GLIPR1L2: variants seen among roughly 807,000 people sequenced by gnomAD.
GLIPR1L2 encodes GLIPR1-like protein 2.
A neutral mutation model predicts 28.4 loss-of-function variants in GLIPR1L2; 21 were observed. The observed-to-expected ratio is 0.74, with a 90% CI of 0.52 to 1.06. The LOEUF is 1.06. GLIPR1L2 is among the 50% of genes least tolerant of loss of function. The probability of loss-of-function intolerance (pLI) is 0.00; values close to 1 mark genes in which losing one functional copy is unlikely to be tolerated. For synonymous variants in GLIPR1L2, 145 were observed against 139.3 expected (o/e 1.04, Z -0.29); for missense variants, 476 against 416.9 (o/e 1.14, Z -1.23).
chr12:75,410,335 G>T, intron 1 of GLIPR1L2, 99 bp from the exon 2 acceptor site: 2 of 1,153,076 alleles, frequency 1.7e-6, no homozygotes, highest in East Asian at 5.3e-5. Flanking sequence ...TACAAAGTTA[G>T]AATTGTTTCC....
chr12:75,412,238 C>G (rs2045875358), intron 2 of GLIPR1L2, among the ~76,000 whole-genome samples: 1 of 151,976 alleles, frequency 6.6e-6, no homozygotes, highest in African/African-American at 2.4e-5. Flanking sequence ...CCAATTCAAC[C>G]AGAGGTTGAA....
intron 2 of GLIPR1L2, 35 bp from the exon 3 acceptor site, chr12:75,413,563 T>A: frequency 2.5e-6 from 3 of 1,186,710 alleles, no homozygotes; most frequent in Non-Finnish European, 3.6e-6. Context: ...TGTTTAAAAT[T>A]AAATTTTGTG....
At chr12:75,425,024 A>C (rs2046019555) in intron 4 of GLIPR1L2, among the ~76,000 whole-genome samples, 1 of 152,112 alleles carries the variant, frequency 6.6e-6, no homozygotes, top group Non-Finnish European at 1.5e-5. Flanking sequence ...AAACCTAAGC[A>C]AGGTGAGGAT....
At chr12:75,414,902 T>A (rs1380664060) in intron 3 of GLIPR1L2, among the ~76,000 whole-genome samples, 1 of 152,098 alleles carries the variant, frequency 6.6e-6, no homozygotes, top group South Asian at 2.1e-4. Context: ...GACAAACACT[T>A]TTTAGTAAGT....
In GLIPR1L2 at chr12:75,391,127, C is replaced by T. The variant is rs748704522; in HGVS notation, c.11C>T (p.Ala4Val). Residue 4 changes from alanine (A) to valine (V), a missense_variant, in exon 1 of 6, where the codon GCA (alanine) becomes GTA (valine). Coordinates refer to ENST00000550916, the MANE Select transcript of GLIPR1L2 (RefSeq NM_001270396.2). ...AGCGGCCGGTGGACCATGGAGGCCG[C>T]AAGGCCCTTCGCCCGGGAGTGGAGG... MEA[A>V]RPFAREWRAQ... 9 of 1,613,194 alleles carry T rather than the reference C, an allele frequency of 5.6e-6. No homozygotes were observed. Among genetic ancestry groups the T allele is most frequent in the Non-Finnish European group, 6.8e-6 (8 of 1,179,608 alleles).
At chr12:75,409,245 C>G (rs1026450685) in intron 1 of GLIPR1L2, among the ~76,000 whole-genome samples, 10 of 151,980 alleles carry the variant, frequency 6.6e-5, no homozygotes, top group African/African-American at 2.4e-4. Context: ...CACTCCTGCT[C>G]TAAGGAAGTA....
At chr12:75,427,846 C>T (rs2046049863) in intron 4 of GLIPR1L2, among the ~76,000 whole-genome samples, 1 of 152,174 alleles carries the variant, frequency 6.6e-6, no homozygotes, top group African/African-American at 2.4e-5. Flanking sequence ...CCTTGCTTCC[C>T]CTTCACCCTC....
chr12:75,425,227 T>C (rs2046022096), intron 4 of GLIPR1L2, among the ~76,000 whole-genome samples: 1 of 151,022 alleles, frequency 6.6e-6, no homozygotes, highest in African/African-American at 2.4e-5. Flanking sequence ...GAAGGGAGAG[T>C]CTGAGCCAGT....
In GLIPR1L2 at chr12:75,418,138, C is replaced by T. The variant is rs934166020; in HGVS notation, c.584+4437C>T. 5.3e-5 allele frequency among the ~76,000 whole-genome samples: 8 copies of T among 152,090 alleles called. No individual in the cohort carries two copies. In the South Asian group the frequency reaches 6.2e-4, roughly 12 times the overall value. On this transcript the variant is annotated intron_variant, in intron 3 of 5. Transcript: ENST00000550916. ...ATGTAATGTAATTTATAAATATTTC[C>T]GCTTATTGTGTTATATAGATGAGGG... is the stretch of plus-strand genomic sequence containing the variant.
chr12:75,398,346 A>AAAAAAAG (rs1566063964), intron 1 of GLIPR1L2, among the ~76,000 whole-genome samples: 1 of 151,784 alleles, frequency 6.6e-6, no homozygotes, highest in African/African-American at 2.4e-5. Context: ...AAAAAAAAAA[A>AAAAAAAG]AAAAACTTTT....
intron 1 of GLIPR1L2, among the ~76,000 whole-genome samples, chr12:75,406,973 C>CCCTCAATATCTGATT (rs1325563083): frequency 2.6e-5 from 4 of 151,944 alleles, no homozygotes; most frequent in Non-Finnish European, 5.9e-5. Flanking sequence ...GAGTCTCCCA[C>CCCTCAATATCTGATT]ACTCAATATC....
At chr12:75,412,404 G>C (rs1205565367) in intron 2 of GLIPR1L2, among the ~76,000 whole-genome samples, 1 of 152,006 alleles carries the variant, frequency 6.6e-6, no homozygotes, top group Admixed American at 6.6e-5. Flanking sequence ...AGAGTGAACA[G>C]GCAACCTACA....
chr12:75,420,101 G>A (rs1162907197), intron 3 of GLIPR1L2, among the ~76,000 whole-genome samples: 1 of 152,208 alleles, frequency 6.6e-6, no homozygotes, highest in African/African-American at 2.4e-5. Context: ...CGAGTTGTAA[G>A]TAGTCTAGTT....
chr12:75,395,461 G>A lies in GLIPR1L2; in HGVS notation c.234+4111G>A, dbSNP rs76013659. Among the ~76,000 whole-genome samples, 442 of 151,902 alleles carry A rather than the reference G, an allele frequency of 2.9e-3. 2 individuals are homozygous for A. Among genetic ancestry groups the A allele is most frequent in the African/African-American group, 0.01 (431 of 41,516 alleles). On this transcript the variant is annotated intron_variant, in intron 1 of 5. Coordinates refer to ENST00000550916, the MANE Select transcript of GLIPR1L2 (RefSeq NM_001270396.2). ...CAGGGTGATGCTGGCTTCATAGAAT[G>A]AGTTAATAAATATTCTCCTGTCTTC...
At chr12:75,428,075 G>A (rs2046052547) in intron 4 of GLIPR1L2, among the ~76,000 whole-genome samples, 1 of 152,206 alleles carries the variant, frequency 6.6e-6, no homozygotes, top group African/African-American at 2.4e-5. Flanking sequence ...GCAGAGGTTG[G>A]AACCATTTGG....
At chr12:75,410,766 C>T in intron 2 of GLIPR1L2, 87 bp downstream of exon 2, 1 of 983,290 alleles carries the variant, frequency 1.0e-6, no homozygotes, top group Non-Finnish European at 1.5e-6. Flanking sequence ...TGTACATAAA[C>T]TCAAATAATA....
Position 75,429,236 on chromosome 12 carries a change from A to G in GLIPR1L2, c.671-1479A>G, listed in dbSNP as rs552965777. Among the ~76,000 whole-genome samples the G allele has an allele frequency of 2.0e-5, 3 of 152,332 alleles. No individual in the cohort carries two copies. In the South Asian group the frequency reaches 6.2e-4, roughly 32 times the overall value. The stretch of plus-strand genomic sequence containing the variant: ...GGGCAGAGCTTCCCAAGTCCTTGGG[A>G]GCCTACCCCTTGCATCAGCCCTGGA... On this transcript the variant is annotated intron_variant, in intron 4 of 5. Transcript: ENST00000550916.
In GLIPR1L2 at chr12:75,422,046, G is replaced by A. The variant is rs926353399; in HGVS notation, c.585-858G>A. On this transcript the variant is annotated intron_variant, in intron 3 of 5. Transcript: ENST00000550916. The stretch of plus-strand genomic sequence containing the variant: ...CTTGCTCTGTTGCCCAGGCTAGAGT[G>A]CAGTGGCACAGTCAGCTCACTGCAG... Among the ~76,000 whole-genome samples the A allele has an allele frequency of 5.3e-5, 8 of 152,118 alleles. No homozygotes were observed. In the South Asian group the frequency reaches 1.7e-3, roughly 32 times the overall value.
intron 1 of GLIPR1L2, among the ~76,000 whole-genome samples, chr12:75,408,537 G>A (rs1369595040): frequency 6.6e-6 from 1 of 151,996 alleles, no homozygotes; most frequent in Admixed American, 6.6e-5. Context: ...GTAAGAATGA[G>A]GTATGTGAAG....
Sources: allele counts gnomAD v4.1 joint callset (sites outside exome capture counted in the v4.1 genomes callset), GRCh38; gene constraint gnomAD v4.1.1; transcripts MANE v1.5; gene names NCBI Gene and HGNC (gene_info 2026-07-23, HGNC 2026-07-21).